SMAP1: variants seen among roughly 807,000 people sequenced by gnomAD.
SMAP1 encodes stromal membrane-associated protein 1.
A neutral mutation model predicts 58.5 loss-of-function variants in SMAP1; 24 were observed. The observed-to-expected ratio is 0.41, with a 90% CI of 0.30 to 0.58. SMAP1 has a LOEUF of 0.58. SMAP1 is among the 20% of genes least tolerant of loss of function. The probability of loss-of-function intolerance (pLI) is 0.29; values close to 1 mark genes in which losing one functional copy is unlikely to be tolerated. For synonymous variants in SMAP1, 216 were observed against 196.6 expected (o/e 1.10, Z -0.82); for missense variants, 563 against 566.3 (o/e 0.99, Z 0.06).
intron 6 of SMAP1, among the ~76,000 whole-genome samples, chr6:70,803,320 G>A (rs1019686789): frequency 3.9e-5 from 6 of 152,270 alleles, no homozygotes; most frequent in Admixed American, 6.5e-5. Context: ...ATGGTAGTTT[G>A]TATTTCTGTG....
At chr6:70,668,509 C>T (rs1766129639) in intron 1 of SMAP1, 7 of 1,489,982 alleles carry the variant, frequency 4.7e-6, no homozygotes, top group Non-Finnish European at 5.3e-6. Flanking sequence ...GAGAGTTGCC[C>T]TCCTAGCTCT....
intron 1 of SMAP1, among the ~76,000 whole-genome samples, chr6:70,720,290 G>A (rs998206977): frequency 4.6e-5 from 7 of 152,134 alleles, no homozygotes; most frequent in Non-Finnish European, 1.0e-4. Flanking sequence ...GTCTTGCATC[G>A]AGGTTATGCT....
At chr6:70,815,893 GC>G (rs1769608889) in intron 6 of SMAP1, among the ~76,000 whole-genome samples, 1 of 152,106 alleles carries the variant, frequency 6.6e-6, no homozygotes, top group African/African-American at 2.4e-5. Flanking sequence ...CTCTTAGGAT[GC>G]CTGCAGTGTG....
At chr6:70,671,534 C>G (rs928278975) in intron 1 of SMAP1, among the ~76,000 whole-genome samples, 1 of 152,082 alleles carries the variant, frequency 6.6e-6, no homozygotes, top group Non-Finnish European at 1.5e-5. Context: ...GCCGAGATCG[C>G]GCCACTGTAC....
intron 3 of SMAP1, among the ~76,000 whole-genome samples, chr6:70,755,924 T>C (rs562046614): frequency 2.6e-5 from 4 of 152,224 alleles, no homozygotes; most frequent in Admixed American, 1.3e-4. Flanking sequence ...TTTACACTAC[T>C]GACACTCTGT....
At chr6:70,731,449 A>G (rs1274240126) in intron 1 of SMAP1, among the ~76,000 whole-genome samples, 3 of 152,212 alleles carry the variant, frequency 2.0e-5, no homozygotes, top group Non-Finnish European at 2.9e-5. Flanking sequence ...TGCGTATTAT[A>G]TGTTACTGAA....
intron 6 of SMAP1, among the ~76,000 whole-genome samples, chr6:70,826,332 T>A (rs921950466): frequency 6.6e-6 from 1 of 152,170 alleles, no homozygotes; most frequent in Non-Finnish European, 1.5e-5. Context: ...AAGGAAAATG[T>A]AGTGGATTAT....
chr6:70,801,207 G>A (rs1020892029), intron 6 of SMAP1, among the ~76,000 whole-genome samples: 2 of 152,142 alleles, frequency 1.3e-5, no homozygotes, highest in South Asian at 2.1e-4. Context: ...TAATGATCGC[G>A]ATTCTACCTG....
At position 70,861,816 on chromosome 6, in the gene SMAP1, A is replaced by C. The variant is rs1367543431; in HGVS notation, c.*1482A>C. ...GTGACACTCGAGGTCGGGCAGCACA[A>C]GTGTAATGAATACCTTAGTGCAGTT... On this transcript the variant is annotated 3_prime_UTR_variant, in exon 11 of 11. Coordinates refer to ENST00000370455, the MANE Select transcript of SMAP1 (RefSeq NM_001044305.3). 6.2e-7 allele frequency: 1 copy of C among 1,613,954 alleles called. No homozygotes were observed. Among genetic ancestry groups the C allele is most frequent in the Admixed American group, 1.7e-5 (1 of 59,988 alleles).
At chr6:70,672,993 T>A (rs974946240) in intron 1 of SMAP1, among the ~76,000 whole-genome samples, 1 of 151,894 alleles carries the variant, frequency 6.6e-6, no homozygotes, top group Admixed American at 6.6e-5. Flanking sequence ...ACTGGGATAG[T>A]GAGGATTGCA....
rs1220688618 is a variant in SMAP1, at chr6:70,860,794, CTAGTGTA to C, written c.*462_*468del. Reference sequence around the variant, plus strand: ...TAAATGTCTCACTGAGCACTGTTTTCTAGTGTATCAAAATGCTCTTATTTCATCATTC... The same window carrying C: ...TAAATGTCTCACTGAGCACTGTTTTCTCAAAATGCTCTTATTTCATCATTC... On this transcript the variant is annotated 3_prime_UTR_variant, in exon 11 of 11. Transcript: ENST00000370455. 1 of 398,552 alleles carries C rather than the reference CTAGTGTA, an allele frequency of 2.5e-6. No homozygotes were observed. Among genetic ancestry groups the C allele is most frequent in the Non-Finnish European group, 4.4e-6 (1 of 225,792 alleles). The allele number at this position is 398,552 out of a possible 1,614,324, so 24.7% of individuals were successfully genotyped here.
At chr6:70,702,584 A>C (rs1234517628) in intron 1 of SMAP1, among the ~76,000 whole-genome samples, 1 of 150,940 alleles carries the variant, frequency 6.6e-6, no homozygotes, top group African/African-American at 2.4e-5. Flanking sequence ...CATGCACTCC[A>C]TGCCTCATGC....
intron 2 of SMAP1, among the ~76,000 whole-genome samples, chr6:70,752,573 C>T (rs1384785097): frequency 6.6e-6 from 1 of 152,136 alleles, no homozygotes. Context: ...CTGCTACTTA[C>T]TGGGCAGAGT....
chr6:70,795,145 T>A lies in SMAP1; in HGVS notation c.495+3376T>A, dbSNP rs539286747. Among the ~76,000 whole-genome samples the A allele has an allele frequency of 2.0e-5, 3 of 152,310 alleles. No individual in the cohort carries two copies. In the South Asian group the frequency reaches 6.2e-4, roughly 32 times the overall value. On this transcript the variant is annotated intron_variant, in intron 5 of 10. Coordinates refer to ENST00000370455, the MANE Select transcript of SMAP1 (RefSeq NM_001044305.3). Reference sequence around the variant, plus strand: ...TGCTGCATGTGTCTTGACAGCTGTATTTTTACAGCTGAATTCTGGTGTTAA... The same window carrying A: ...TGCTGCATGTGTCTTGACAGCTGTAATTTTACAGCTGAATTCTGGTGTTAA...
intron 1 of SMAP1, among the ~76,000 whole-genome samples, chr6:70,676,125 C>T (rs549744077): frequency 6.6e-6 from 1 of 152,306 alleles, no homozygotes; most frequent in Non-Finnish European, 1.5e-5. Flanking sequence ...ACGCTTGCTC[C>T]TAATTTCCCC....
chr6:70,677,393 T>C (rs1316745133), intron 1 of SMAP1, among the ~76,000 whole-genome samples: 1 of 149,922 alleles, frequency 6.7e-6, no homozygotes, highest in Admixed American at 6.6e-5. Context: ...CAACCTTGTA[T>C]GGTCTGTGTT....
chr6:70,764,885 G>C (rs1001150374), intron 3 of SMAP1, among the ~76,000 whole-genome samples: 3 of 152,090 alleles, frequency 2.0e-5, no homozygotes, highest in African/African-American at 7.2e-5. Flanking sequence ...CTGCACCCCT[G>C]ACTTTCCAGG....
intron 7 of SMAP1, among the ~76,000 whole-genome samples, chr6:70,848,959 T>C (rs1414137244): frequency 6.6e-6 from 1 of 152,222 alleles, no homozygotes; most frequent in Non-Finnish European, 1.5e-5. Flanking sequence ...TGTGAATGCA[T>C]AGCTTTGATA....
chr6:70,782,592 C>T (rs972518794), intron 4 of SMAP1, among the ~76,000 whole-genome samples: 2 of 152,170 alleles, frequency 1.3e-5, no homozygotes, highest in Non-Finnish European at 2.9e-5. Flanking sequence ...ACTCCAAGTT[C>T]TTTAGTTTTG....
Sources: gnomAD v4.1 joint callset for allele counts (sites outside exome capture counted in the v4.1 genomes callset) on GRCh38, gnomAD v4.1.1 for gene constraint, MANE v1.5 for transcripts, NCBI Gene and HGNC (gene_info 2026-07-23, HGNC 2026-07-21) for gene names.